The following MAP3K7CL variants were observed in gnomAD, a reference collection of about 807,000 sequenced individuals.
MAP3K7CL encodes MAP3K7 C-terminal like.
In MAP3K7CL, 16 loss-of-function variants were observed where a neutral mutation model predicts 18.6. The ratio of observed to expected loss-of-function variants is 0.86; its 90% CI spans 0.58 to 1.31. MAP3K7CL has a LOEUF of 1.31. MAP3K7CL is among the 50% of genes most tolerant of loss of function. The pLI is 0.00. For missense variants in MAP3K7CL, 163 were observed against 174.4 expected (o/e 0.93, Z 0.37); for synonymous variants, 65 against 66.8 (o/e 0.97, Z 0.13).
In MAP3K7CL at chr21:29,159,964, C is replaced by G; in HGVS notation, c.156C>G (p.Ser52=). 1 of 1,613,774 alleles carries G rather than the reference C, an allele frequency of 6.2e-7. No homozygotes were observed. The highest frequency in any genetic ancestry group is 1.1e-5 in the South Asian group (1 of 91,042). ...AGCCCCTGCCGCCTTGTCATGACTC[C>G]GAGGAATCCATGGAGGTGTTCAAAC... The part of the protein sequence containing the change: ...QLQPLPPCHD[S]EESMEVFKQH... Residue 52 remains serine (S), a synonymous_variant, in exon 4 of 5, where the codon TCC becomes TCG. Transcript: ENST00000399928.
chr21:29,165,319 TTATTCATTTTA>T (rs2087658468), intron 4 of MAP3K7CL, among the ~76,000 whole-genome samples: 1 of 152,162 alleles, frequency 6.6e-6, no homozygotes, highest in Non-Finnish European at 1.5e-5. Flanking sequence ...AATGTTTTAT[TTATTCATTTTA>T]ATTTTTATTT....
At chr21:29,170,428 T>G (rs994144024) in intron 4 of MAP3K7CL, among the ~76,000 whole-genome samples, 10 of 152,200 alleles carry the variant, frequency 6.6e-5, no homozygotes, top group African/African-American at 2.2e-4. Flanking sequence ...TAATGACAGA[T>G]AGCTTCAGGA....
chr21:29,101,738 G>A (rs2086234174), intron 4 of MAP3K7CL, among the ~76,000 whole-genome samples: 1 of 152,100 alleles, frequency 6.6e-6, no homozygotes. Flanking sequence ...TGACTTAGAT[G>A]ATGATATAAA....
At chr21:29,104,437 AGTT>A (rs2086285573) in intron 4 of MAP3K7CL, among the ~76,000 whole-genome samples, 1 of 152,134 alleles carries the variant, frequency 6.6e-6, no homozygotes, top group African/African-American at 2.4e-5. Flanking sequence ...TGCCTGTAGT[AGTT>A]GTTTCATTTC....
upstream of MAP3K7CL, chr21:29,130,593 G>T: frequency 1.0e-6 from 1 of 985,492 alleles, no homozygotes; most frequent in Non-Finnish European, 1.2e-6. Context: ...GTTTATCAAT[G>T]CCTCTGACAG....
chr21:29,138,838 G>T (rs2146648716), intron 2 of MAP3K7CL, among the ~76,000 whole-genome samples: 2 of 152,214 alleles, frequency 1.3e-5, no homozygotes, highest in South Asian at 2.1e-4. Context: ...AATAAGCCAG[G>T]TGTGGTGGTG....
intron 3 of MAP3K7CL, among the ~76,000 whole-genome samples, chr21:29,155,431 C>T (rs2087378207): frequency 6.6e-6 from 1 of 152,122 alleles, no homozygotes. Context: ...AAAACGGAAA[C>T]GCCCGAGCCG....
At chr21:29,077,367 C>T (rs576856442), upstream of MAP3K7CL, 78 of 153,866 alleles carry the variant, frequency 5.1e-4, no homozygotes, top group African/African-American at 1.8e-3. Flanking sequence ...AGGTGCTAAG[C>T]CCCTCAACTG....
chr21:29,091,528 T>C, exon 2 of MAP3K7CL: 1 of 700,974 alleles, frequency 1.4e-6, no homozygotes. Context: ...CAGGCTGGAA[T>C]GCAGTGGTGG....
chr21:29,135,629 T>C (rs942233976), intron 2 of MAP3K7CL, among the ~76,000 whole-genome samples: 2 of 152,218 alleles, frequency 1.3e-5, no homozygotes, highest in African/African-American at 4.8e-5. Flanking sequence ...AAATACAGGA[T>C]GTACAACTTG....
At chr21:29,164,098 TA>T (rs1193043438) in intron 4 of MAP3K7CL, among the ~76,000 whole-genome samples, 68 of 139,446 alleles carry the variant, frequency 4.9e-4, no homozygotes, top group Non-Finnish European at 3.8e-4. Flanking sequence ...AGACTCCATT[TA>T]AAAAAAAAAA....
intron 4 of MAP3K7CL, among the ~76,000 whole-genome samples, chr21:29,122,364 A>C (rs1467070150): frequency 1.3e-5 from 2 of 152,170 alleles, no homozygotes; most frequent in African/African-American, 2.4e-5. Context: ...TTTGCTGTTC[A>C]CGGATGGCTT....
chr21:29,114,059 A>C (rs1443581689), intron 4 of MAP3K7CL, among the ~76,000 whole-genome samples: 2 of 151,838 alleles, frequency 1.3e-5, no homozygotes, highest in African/African-American at 4.8e-5. Flanking sequence ...TAATTAATTA[A>C]ATTAAATTAA....
chr21:29,141,776 T>G (rs1215576101), intron 2 of MAP3K7CL, among the ~76,000 whole-genome samples: 1 of 152,136 alleles, frequency 6.6e-6, no homozygotes, highest in Non-Finnish European at 1.5e-5. Flanking sequence ...GAAAATCCAA[T>G]GTATATTAAA....
intron 4 of MAP3K7CL, among the ~76,000 whole-genome samples, chr21:29,165,464 A>G (rs1354894160): frequency 2.0e-5 from 3 of 152,132 alleles, no homozygotes; most frequent in African/African-American, 7.2e-5. Flanking sequence ...CACAATGTAT[A>G]TTCTTTTATT....
chr21:29,115,845 T>C (rs2086495875), intron 4 of MAP3K7CL, among the ~76,000 whole-genome samples: 1 of 152,232 alleles, frequency 6.6e-6, no homozygotes, highest in Non-Finnish European at 1.5e-5. Flanking sequence ...AAATTAATTA[T>C]TCTATTTAAA....
At chr21:29,119,843 T>G (rs1279517011) in intron 4 of MAP3K7CL, among the ~76,000 whole-genome samples, 1 of 151,944 alleles carries the variant, frequency 6.6e-6, no homozygotes, top group Non-Finnish European at 1.5e-5. Context: ...GTTTGTATTT[T>G]TAATAGAGAT....
At chr21:29,140,614 TGACAACAAATAGCTTCCC>T (rs1002751897) in intron 2 of MAP3K7CL, among the ~76,000 whole-genome samples, 3 of 152,196 alleles carry the variant, frequency 2.0e-5, no homozygotes, top group Admixed American at 6.5e-5. Context: ...CAAAGCTTCT[TGACAACAAATAGCTTCCC>T]GACAACAAAT....
At position 29,133,387 on chromosome 21, in the gene MAP3K7CL, A is replaced by C; in HGVS notation, c.43A>C (p.Ile15Leu). ...GGTACCTGCTGACAAGCCTGTACGC[A>C]TCGCCTTTAGCCTCAATGACGCCTC... ...ARVPADKPVR[I>L]AFSLNDASDD... The change falls in exon 2 of 5, where the codon ATC becomes CTC. Residue 15 changes from isoleucine (I) to leucine (L), a missense_variant. Coordinates refer to ENST00000399928, the MANE Select transcript of MAP3K7CL (RefSeq NM_001286620.2). 1 of 1,549,954 alleles carries C rather than the reference A, an allele frequency of 6.5e-7. No individual in the cohort carries two copies. The highest frequency in any genetic ancestry group is 8.7e-7 in the Non-Finnish European group (1 of 1,146,490).
Sources: allele counts gnomAD v4.1 joint callset (sites outside exome capture counted in the v4.1 genomes callset), GRCh38; gene constraint gnomAD v4.1.1; transcripts MANE v1.5; gene names NCBI Gene and HGNC (gene_info 2026-07-23, HGNC 2026-07-21).